Variants in CERS6 observed in about 807,000 individuals in gnomAD.
CERS6 encodes ceramide synthase 6.
A neutral mutation model predicts 56.8 loss-of-function variants in CERS6; 26 were observed. That is an observed-to-expected ratio of 0.46 (90% CI 0.34 to 0.63). CERS6 has a LOEUF of 0.63. Among genes scored for constraint, CERS6 ranks in the 30% least tolerant of loss-of-function variants. The probability of loss-of-function intolerance (pLI) is 0.01; values close to 1 mark genes in which losing one functional copy is unlikely to be tolerated. For synonymous variants in CERS6, 164 were observed against 173.3 expected, an observed-to-expected ratio of 0.95 and a Z score of 0.42; for missense variants, 415 against 467.5, an observed-to-expected ratio of 0.89 and a Z score of 1.04.
chr2:168,644,919 C>T (rs139860976), intron 4 of CERS6, among the ~76,000 whole-genome samples: 1 of 150,226 alleles, frequency 6.7e-6, no homozygotes, highest in South Asian at 2.1e-4. Context: ...TGGGGAAACC[C>T]CGTCTCTATT....
rs1683418714 is a variant in CERS6, at chr2:168,581,828, C to T, written c.407+20506C>T. 6.6e-5 allele frequency among the ~76,000 whole-genome samples: 10 copies of T among 152,192 alleles called. 1 individual carries two copies. The South Asian group carries it at 2.1e-3, about 32-fold the overall frequency. ...CTTGTGTGCTTAATTGTGTACTACT[C>T]TTTGTTCTTAGGAAATATTAAGGAG... On this transcript the variant is annotated intron_variant, in intron 3 of 9. Transcript: ENST00000305747.
At position 168,571,832 on chromosome 2, in the gene CERS6, CTT is replaced by C. The variant is rs770252225; in HGVS notation, c.407+10513_407+10514del. Among the ~76,000 whole-genome samples the C allele has an allele frequency of 5.9e-5, 9 of 152,284 alleles. No homozygotes were observed. The South Asian group carries it at 1.4e-3, about 25-fold the overall frequency. ...GCGTTACAAACAATCCAATTATACT[CTT>C]TTAATTATTTTTAAATTTACAATTC... is the stretch of plus-strand genomic sequence containing the variant. On this transcript the variant is annotated intron_variant, in intron 3 of 9. Coordinates refer to ENST00000305747, the MANE Select transcript of CERS6 (RefSeq NM_203463.3).
chr2:168,595,975 G>A (rs554780857), intron 3 of CERS6, among the ~76,000 whole-genome samples: 10 of 151,748 alleles, frequency 6.6e-5, no homozygotes, highest in East Asian at 3.9e-4. Flanking sequence ...TAGGCCAGGC[G>A]TGGTGGCTCA....
At chr2:168,634,383 A>G (rs1481312323) in intron 4 of CERS6, among the ~76,000 whole-genome samples, 1 of 152,154 alleles carries the variant, frequency 6.6e-6, no homozygotes, top group Non-Finnish European at 1.5e-5. Flanking sequence ...CTTATAAACT[A>G]CATGTCTGAT....
At chr2:168,681,898 G>A (rs1050400080) in intron 4 of CERS6, among the ~76,000 whole-genome samples, 2 of 151,990 alleles carry the variant, frequency 1.3e-5, no homozygotes, top group Non-Finnish European at 2.9e-5. Flanking sequence ...CTTGTCTTTC[G>A]GTGCCTGGCT....
intron 3 of CERS6, among the ~76,000 whole-genome samples, chr2:168,579,036 A>G (rs1245518889): frequency 1.3e-5 from 2 of 152,182 alleles, no homozygotes; most frequent in African/African-American, 2.4e-5. Context: ...CAGGAACACA[A>G]TAATTCCTTC....
intron 4 of CERS6, among the ~76,000 whole-genome samples, chr2:168,636,377 T>G (rs1303265111): frequency 1.3e-5 from 2 of 152,218 alleles, no homozygotes; most frequent in Non-Finnish European, 2.9e-5. Context: ...ACCTTACTAA[T>G]GAAAACTAAA....
chr2:168,570,042 A>G (rs972257833), intron 3 of CERS6, among the ~76,000 whole-genome samples: 8 of 152,170 alleles, frequency 5.3e-5, no homozygotes, highest in Admixed American at 3.9e-4. Context: ...TGCCCTGGCC[A>G]CATGGCTTCC....
chr2:168,692,915 T>A (rs530049708), intron 5 of CERS6, among the ~76,000 whole-genome samples: 1 of 152,272 alleles, frequency 6.6e-6, no homozygotes, highest in East Asian at 1.9e-4. Flanking sequence ...TGAGACATAT[T>A]TATGGTATCT....
At position 168,620,046 on chromosome 2, in the gene CERS6, C is replaced by CACACACAT. The variant is rs1553500585; in HGVS notation, c.408-10932_408-10931insTACACACA. Reference sequence around the variant, plus strand: ...ACACACACACACACACACACACACACACACACACACACACACATATTTATA... The same window carrying CACACACAT: ...ACACACACACACACACACACACACACACACACATACACACACACACACACATATTTATA... On this transcript the variant is annotated intron_variant, in intron 3 of 9. Coordinates refer to ENST00000305747, the MANE Select transcript of CERS6 (RefSeq NM_203463.3). 3.0e-4 allele frequency among the ~76,000 whole-genome samples: 44 copies of CACACACAT among 145,990 alleles called. 1 individual carries two copies. In the East Asian group the frequency reaches 8.1e-3, roughly 27 times the overall value.
intron 8 of CERS6, among the ~76,000 whole-genome samples, chr2:168,760,510 A>G (rs918854732): frequency 3.9e-5 from 6 of 152,162 alleles, no homozygotes; most frequent in Non-Finnish European, 8.8e-5. Context: ...AATACTTTGC[A>G]TCCTTCAATC....
intron 3 of CERS6, among the ~76,000 whole-genome samples, chr2:168,627,632 T>G (rs960187060): frequency 0.16 from 20 of 126 alleles, no homozygotes; most frequent in African/African-American, 0.24. Context: ...AACACTGAAG[T>G]TTTTTTTTTT....
chr2:168,678,954 A>G (rs1334626542), intron 4 of CERS6, among the ~76,000 whole-genome samples: 1 of 152,228 alleles, frequency 6.6e-6, no homozygotes, highest in Admixed American at 6.5e-5. Context: ...GAATGAATGG[A>G]TAAAGAAAAT....
intron 3 of CERS6, among the ~76,000 whole-genome samples, chr2:168,565,650 T>TC (rs1695871408): frequency 6.6e-6 from 1 of 152,244 alleles, no homozygotes; most frequent in African/African-American, 2.4e-5. Context: ...TGCAGGCATG[T>TC]CCAATTTCTG....
At chr2:168,536,269 G>T (rs1695261885) in intron 1 of CERS6, among the ~76,000 whole-genome samples, 1 of 152,134 alleles carries the variant, frequency 6.6e-6, no homozygotes, top group South Asian at 2.1e-4. Context: ...TGTACTGTCA[G>T]AAAGGGCCCA....
At chr2:168,731,742 G>A (rs1467493638) in intron 8 of CERS6, among the ~76,000 whole-genome samples, 1 of 152,036 alleles carries the variant, frequency 6.6e-6, no homozygotes, top group Non-Finnish European at 1.5e-5. Flanking sequence ...CCACCCTTGG[G>A]GATTTCTCAT....
intron 8 of CERS6, among the ~76,000 whole-genome samples, chr2:168,744,904 G>C (rs1684053828): frequency 6.6e-6 from 1 of 152,058 alleles, no homozygotes; most frequent in African/African-American, 2.4e-5. Flanking sequence ...AATCATCTGG[G>C]GATTGTTTAA....
intron 3 of CERS6, among the ~76,000 whole-genome samples, chr2:168,614,825 G>A (rs1204823678): frequency 6.6e-6 from 1 of 152,108 alleles, no homozygotes; most frequent in Non-Finnish European, 1.5e-5. Flanking sequence ...ACTCTTGGGA[G>A]TTCTAGGTCC....
At chr2:168,694,218 A>G (rs1686579063) in intron 5 of CERS6, among the ~76,000 whole-genome samples, 1 of 152,138 alleles carries the variant, frequency 6.6e-6, no homozygotes, top group South Asian at 2.1e-4. Flanking sequence ...TGTGCAAAAT[A>G]AATATTCCTG....
Sources: gnomAD v4.1 joint callset for allele counts (sites outside exome capture counted in the v4.1 genomes callset) on GRCh38, gnomAD v4.1.1 for gene constraint, MANE v1.5 for transcripts, NCBI Gene and HGNC (gene_info 2026-07-23, HGNC 2026-07-21) for gene names.